SEM1: variants seen among roughly 807,000 people sequenced by gnomAD.
The protein encoded by SEM1 is SEM1 26S proteasome subunit.
SEM1 carries 3 observed loss-of-function variants against 12.7 expected under a neutral mutation model. That is an observed-to-expected ratio of 0.24 (90% confidence interval 0.11 to 0.61). The LOEUF (loss-of-function observed/expected upper bound fraction) is 0.61, where lower values mean the gene tolerates loss of function less well. Ranked by LOEUF, SEM1 falls within the 20% of genes least tolerant of loss-of-function variation. The pLI, the probability that SEM1 is intolerant of heterozygous loss-of-function variation, is 0.88. For missense variants in SEM1, 59 were observed against 81.3 expected, an observed-to-expected ratio of 0.73 and a Z score of 1.06; for synonymous variants, 30 against 27.8, an observed-to-expected ratio of 1.08 and a Z score of -0.25.
intron 1 of SEM1, among the ~76,000 whole-genome samples, chr7:96,488,338 T>A (rs1000627616): frequency 2.6e-5 from 4 of 152,194 alleles, no homozygotes; most frequent in Non-Finnish European, 5.9e-5. Context: ...TCTCTTGTAC[T>A]GGTTAGAAAT....
chr7:96,562,368 A>G (rs4727340), intron 2 of SEM1, among the ~76,000 whole-genome samples: 91,911 of 151,944 alleles, frequency 0.6, 29,171 homozygotes, highest in East Asian at 0.76. Flanking sequence ...ATAAAATACT[A>G]TTCTATGTAT....
chr7:96,581,443 T>G (rs1806404296), intron 2 of SEM1, among the ~76,000 whole-genome samples: 1 of 151,688 alleles, frequency 6.6e-6, no homozygotes, highest in South Asian at 2.1e-4. Context: ...AGGATTGACT[T>G]GGCGATGCGG....
chr7:96,686,410 T>G (rs1351739976), downstream of SEM1, among the ~76,000 whole-genome samples: 1 of 152,110 alleles, frequency 6.6e-6, no homozygotes, highest in African/African-American at 2.4e-5. Flanking sequence ...GGTTTCAAAA[T>G]TATACCTCAA....
intron 2 of SEM1, among the ~76,000 whole-genome samples, chr7:96,521,730 A>G (rs1193517723): frequency 1.3e-5 from 2 of 152,080 alleles, no homozygotes; most frequent in East Asian, 3.9e-4. Context: ...TGGAATGAGA[A>G]TTTGGCTCCA....
intron 2 of SEM1, chr7:96,623,101 G>C (rs1484845265): frequency 6.5e-6 from 1 of 153,274 alleles, no homozygotes; most frequent in East Asian, 1.9e-4. Flanking sequence ...AATCCACTGA[G>C]GGCCTGAATA....
Position 96,485,557 on chromosome 7 carries a change from T to C in SEM1, c.227+646A>G, listed in dbSNP as rs533454063. Among the ~76,000 whole-genome samples the C allele has an allele frequency of 1.2e-3, 178 of 145,742 alleles. 1 individual carries two copies. The highest frequency in any genetic ancestry group is 1.6e-3 in the Non-Finnish European group (106 of 66,690). On this transcript the variant is annotated intron_variant, in intron 2 of 3. Transcript: ENST00000356686. ...CATTCTTTTTTTTTTTTTTTTTTTT[T>C]TTTGAGGTGGAGTCTCACTCTATTG...
chr7:96,512,138 G>A (rs1328220265), intron 2 of SEM1, among the ~76,000 whole-genome samples: 2 of 152,004 alleles, frequency 1.3e-5, no homozygotes, highest in Admixed American at 6.6e-5. Context: ...CTGTACCCAC[G>A]ACTGCTTCCT....
At chr7:96,692,478 C>T (rs78771075) in intron 2 of SEM1, among the ~76,000 whole-genome samples, 1 of 152,068 alleles carries the variant, frequency 6.6e-6, no homozygotes, top group East Asian at 1.9e-4. Flanking sequence ...ATAATGATGC[C>T]AAGGCGGAAC....
chr7:96,652,006 C>T (rs1422958735), intron 2 of SEM1, among the ~76,000 whole-genome samples: 1 of 152,160 alleles, frequency 6.6e-6, no homozygotes, highest in Non-Finnish European at 1.5e-5. Context: ...TGCCACTTGT[C>T]ATTGTAATTC....
intron 2 of SEM1, among the ~76,000 whole-genome samples, chr7:96,654,345 G>C (rs1345866554): frequency 6.6e-6 from 1 of 152,184 alleles, no homozygotes; most frequent in African/African-American, 2.4e-5. Context: ...CCCTCTCCTA[G>C]TATAATCAAG....
chr7:96,579,326 A>G (rs904853788), intron 2 of SEM1, among the ~76,000 whole-genome samples: 5 of 152,188 alleles, frequency 3.3e-5, no homozygotes, highest in African/African-American at 9.7e-5. Flanking sequence ...TCATGTCACC[A>G]CTTACTGCTG....
At chr7:96,642,736 TG>T (rs2116398130) in intron 2 of SEM1, among the ~76,000 whole-genome samples, 1 of 152,112 alleles carries the variant, frequency 6.6e-6, no homozygotes, top group Non-Finnish European at 1.5e-5. Flanking sequence ...TTAACTGTTT[TG>T]TAGAAGCCAT....
At chr7:96,553,602 G>T (rs1189188566) in intron 2 of SEM1, among the ~76,000 whole-genome samples, 2 of 152,186 alleles carry the variant, frequency 1.3e-5, no homozygotes, top group African/African-American at 4.8e-5. Flanking sequence ...CTGTAGCCTT[G>T]TAGTATAGTT....
intron 2 of SEM1, among the ~76,000 whole-genome samples, chr7:96,666,477 G>A (rs1789174492): frequency 6.6e-6 from 1 of 151,972 alleles, no homozygotes; most frequent in South Asian, 2.1e-4. Flanking sequence ...TATATAAAGA[G>A]ATAGTATAAC....
At chr7:96,698,517 T>G (rs1790167763) in intron 1 of SEM1, among the ~76,000 whole-genome samples, 2 of 152,180 alleles carry the variant, frequency 1.3e-5, no homozygotes, top group Non-Finnish European at 2.9e-5. Flanking sequence ...CATGCGGTGT[T>G]AGGTTTTCTG....
intron 2 of SEM1, among the ~76,000 whole-genome samples, chr7:96,682,947 AT>A (rs1393248442): frequency 1.1e-4 from 16 of 152,168 alleles, no homozygotes; most frequent in Admixed American, 2.0e-4. Context: ...CAACAAACAT[AT>A]GAAAAAGTGC....
chr7:96,593,886 G>A (rs1025684425), intron 2 of SEM1, among the ~76,000 whole-genome samples: 2 of 151,186 alleles, frequency 1.3e-5, no homozygotes, highest in Admixed American at 1.3e-4. Flanking sequence ...CATCTATGTT[G>A]ACTATGTAGA....
exon 4 of SEM1, chr7:96,483,802 C>T: frequency 6.5e-7 from 1 of 1,534,190 alleles, no homozygotes; most frequent in South Asian, 1.2e-5. Context: ...AGCATGTTTA[C>T]TTCAATAGAT....
intron 2 of SEM1, among the ~76,000 whole-genome samples, chr7:96,582,449 T>C (rs1029918374): frequency 2.0e-5 from 3 of 150,884 alleles, no homozygotes; most frequent in African/African-American, 7.3e-5. Flanking sequence ...TGGTTGTGTC[T>C]CTGCCCGGCT....
Sources: allele counts gnomAD v4.1 joint callset (sites outside exome capture counted in the v4.1 genomes callset), GRCh38; gene constraint gnomAD v4.1.1; transcripts MANE v1.5; gene names NCBI Gene and HGNC (gene_info 2026-07-23, HGNC 2026-07-21).